The following FBXO34 variants were observed in gnomAD, a reference collection of about 807,000 sequenced individuals.
FBXO34 encodes the protein F-box protein 34.
Under a neutral mutation model 24.5 loss-of-function variants are expected in FBXO34, and 12 were observed. That is an observed-to-expected ratio of 0.49 (90% CI 0.31 to 0.79). The LOEUF is 0.79. Among genes scored for constraint, FBXO34 ranks in the 30% least tolerant of loss-of-function variants. FBXO34 has a pLI of 0.04. For missense variants in FBXO34, 823 were observed against 857.7 expected (o/e 0.96, Z 0.51); for synonymous variants, 320 against 311.9 (o/e 1.03, Z -0.27).
chr14:55,361,227 C>T (rs772524893), intron 3 of FBXO34, among the ~76,000 whole-genome samples: 2 of 152,178 alleles, frequency 1.3e-5, no homozygotes, highest in Non-Finnish European at 2.9e-5. Context: ...ATGTTGTTAT[C>T]GTGCATGAAA....
At chr14:55,407,850 G>A in the FBXO34 span, among the ~76,000 whole-genome samples, 46 of 152,226 alleles carry the variant, frequency 3.0e-4, 1 homozygote, top group East Asian at 8.1e-3. Context: ...AGGCCTCACC[G>A]AAGAAGTGGC....
downstream of FBXO34, among the ~76,000 whole-genome samples, chr14:55,356,703 C>G (rs888902090): frequency 9.2e-5 from 14 of 151,932 alleles, no homozygotes; most frequent in African/African-American, 1.5e-4. Flanking sequence ...TGTGATCTGC[C>G]CACCTCAGCC....
At chr14:55,312,517 C>T (rs773241995) in intron 1 of FBXO34, among the ~76,000 whole-genome samples, 37 of 152,228 alleles carry the variant, frequency 2.4e-4, no homozygotes, top group Non-Finnish European at 4.0e-4. Context: ...CATTTCCCTT[C>T]CGCACTGCCC....
chr14:55,352,876 C>T lies in FBXO34; in HGVS notation c.*350C>T, dbSNP rs1884441579. 1 of 207,180 alleles carries T rather than the reference C, an allele frequency of 4.8e-6. No individual in the cohort carries two copies. Among genetic ancestry groups the T allele is most frequent in the African/African-American group, 2.3e-5 (1 of 42,922 alleles). The allele number at this position is 207,180 out of a possible 1,614,324, so 12.8% of individuals were successfully genotyped here. ...GTTCACTGCAGATGCTGCAGGTAGT[C>T]CTCAAAAATGGGTTCCAGAAATGTT... On this transcript the variant is annotated 3_prime_UTR_variant, in exon 2 of 2. Coordinates refer to ENST00000313833, the MANE Select transcript of FBXO34 (RefSeq NM_017943.4).
chr14:55,370,660 TAGAC>T (rs771494108), downstream of FBXO34, among the ~76,000 whole-genome samples: 8 of 151,924 alleles, frequency 5.3e-5, no homozygotes, highest in Admixed American at 1.3e-4. Context: ...TTTTTTTATT[TAGAC>T]AGAGTCTCGT....
chr14:55,378,352 T>C, the FBXO34 span, among the ~76,000 whole-genome samples: 1 of 152,218 alleles, frequency 6.6e-6, no homozygotes, highest in Non-Finnish European at 1.5e-5. Context: ...ATGAAAAATG[T>C]ACAAGATTAT....
chr14:55,298,658 AG>A, intron 1 of FBXO34: 20 of 1,522,962 alleles, frequency 1.3e-5, no homozygotes, highest in South Asian at 2.4e-5. Context: ...TCGGGGCTGG[AG>A]GGGGTAAGGC....
the FBXO34 span, among the ~76,000 whole-genome samples, chr14:55,429,277 C>G: frequency 6.6e-6 from 1 of 152,244 alleles, no homozygotes; most frequent in East Asian, 1.9e-4. Flanking sequence ...CAAGGATTCG[C>G]AAAGTGTGTC....
At chr14:55,426,555 AAG>A in the FBXO34 span, among the ~76,000 whole-genome samples, 15 of 152,240 alleles carry the variant, frequency 9.9e-5, 1 homozygote, top group Middle Eastern at 3.4e-3. Flanking sequence ...CAAATCTTCT[AAG>A]AGGTGTTTTT....
At chr14:55,409,367 T>A in the FBXO34 span, among the ~76,000 whole-genome samples, 1 of 152,200 alleles carries the variant, frequency 6.6e-6, no homozygotes, top group Non-Finnish European at 1.5e-5. Context: ...TACAACAGTG[T>A]ATAAAAGAGA....
At chr14:55,297,398 A>G (rs1017688680) in intron 1 of FBXO34, among the ~76,000 whole-genome samples, 3 of 152,204 alleles carry the variant, frequency 2.0e-5, no homozygotes, top group African/African-American at 7.2e-5. Context: ...ACACCTTACT[A>G]GCCTCTCAGT....
chr14:55,337,900 A>G (rs563518899), intron 1 of FBXO34, among the ~76,000 whole-genome samples: 65 of 152,246 alleles, frequency 4.3e-4, no homozygotes, highest in African/African-American at 1.5e-3. Context: ...TCCTCATTGC[A>G]TAGTGTAGTG....
At chr14:55,365,225 CA>C (rs1175120629), downstream of FBXO34, among the ~76,000 whole-genome samples, 229 of 88,700 alleles carry the variant, frequency 2.6e-3, no homozygotes, top group East Asian at 6.4e-3. Flanking sequence ...TCTATCATCT[CA>C]AAAAAAAAAA....
At chr14:55,274,055 C>T (rs1283751204) in intron 1 of FBXO34, among the ~76,000 whole-genome samples, 1 of 152,170 alleles carries the variant, frequency 6.6e-6, no homozygotes, top group Non-Finnish European at 1.5e-5. Flanking sequence ...CCGCCCACCT[C>T]AGCCTCCCAA....
downstream of FBXO34, among the ~76,000 whole-genome samples, chr14:55,372,681 C>T (rs1364814067): frequency 6.6e-6 from 1 of 151,654 alleles, no homozygotes; most frequent in East Asian, 1.9e-4. Context: ...CTCCCTGCTC[C>T]CTTCCTTCCT....
At chr14:55,435,970 A>T in the FBXO34 span, 1 of 1,263,748 alleles carries the variant, frequency 7.9e-7, no homozygotes, top group South Asian at 1.4e-5. Context: ...CTTATATCAG[A>T]TATAAAGAGT....
At chr14:55,301,003 G>C (rs184417183) in intron 1 of FBXO34, among the ~76,000 whole-genome samples, 2 of 152,310 alleles carry the variant, frequency 1.3e-5, no homozygotes, top group African/African-American at 2.4e-5. Context: ...CTAAGGTGTG[G>C]TGTTTTCTTT....
chr14:55,286,267 A>G (rs1207680327), intron 1 of FBXO34, among the ~76,000 whole-genome samples: 1 of 152,204 alleles, frequency 6.6e-6, no homozygotes, highest in East Asian at 1.9e-4. Flanking sequence ...CGTGAATTCA[A>G]TTTAATGTTC....
At chr14:55,373,328 A>G (rs558144490), downstream of FBXO34, among the ~76,000 whole-genome samples, 13 of 152,268 alleles carry the variant, frequency 8.5e-5, no homozygotes, top group Non-Finnish European at 1.9e-4. Flanking sequence ...AGTCACTTTT[A>G]TAATATATCC....
Sources: gnomAD v4.1 joint callset for allele counts (sites outside exome capture counted in the v4.1 genomes callset) on GRCh38, gnomAD v4.1.1 for gene constraint, MANE v1.5 for transcripts, NCBI Gene and HGNC (gene_info 2026-07-23, HGNC 2026-07-21) for gene names.